Variants in NEK10 observed in about 807,000 individuals in gnomAD.
NEK10 encodes serine/threonine-protein kinase Nek10.
Under a neutral mutation model 159.8 loss-of-function variants are expected in NEK10, and 122 were observed. That is an observed-to-expected ratio of 0.76 (90% CI 0.66 to 0.89). The LOEUF (loss-of-function observed/expected upper bound fraction) is 0.89. Ranked by LOEUF, NEK10 falls within the 40% of genes least tolerant of loss-of-function variation. NEK10 has a pLI of 0.00. For synonymous variants in NEK10, 466 were observed against 457.1 expected, an observed-to-expected ratio of 1.02 and a Z score of -0.25; for missense variants, 1,342 against 1,323.1, an observed-to-expected ratio of 1.01 and a Z score of -0.22.
intron 10 of NEK10, among the ~76,000 whole-genome samples, chr3:27,308,512 A>T (rs2044420675): frequency 6.6e-6 from 1 of 152,222 alleles, no homozygotes; most frequent in South Asian, 2.1e-4. Context: ...TAAAATAATC[A>T]TGACATTTAT....
intron 30 of NEK10, among the ~76,000 whole-genome samples, chr3:27,154,629 A>C (rs1945224841): frequency 6.6e-6 from 1 of 152,252 alleles, no homozygotes; most frequent in African/African-American, 2.4e-5. Context: ...CCAGGGATAC[A>C]GGGATGGTTT....
At chr3:27,121,642 A>G (rs1039520082) in intron 32 of NEK10, among the ~76,000 whole-genome samples, 70 of 152,316 alleles carry the variant, frequency 4.6e-4, no homozygotes, top group African/African-American at 1.6e-3. Context: ...AGGCTTCCCC[A>G]GCCACGTGGA....
At chr3:27,282,035 CA>C (rs1398163873) in intron 22 of NEK10, among the ~76,000 whole-genome samples, 1 of 152,160 alleles carries the variant, frequency 6.6e-6, no homozygotes, top group East Asian at 1.9e-4. Context: ...AGGTAATCAA[CA>C]TCGAACAATA....
At chr3:27,143,406 T>C (rs41435244) in intron 30 of NEK10, 7,948 of 735,016 alleles carry the variant, frequency 0.011, 92 homozygotes, top group African/African-American at 0.036. Flanking sequence ...AGATCTGTGA[T>C]GACATTTTGA....
At chr3:27,189,259 C>T (rs767155059) in intron 26 of NEK10, among the ~76,000 whole-genome samples, 12 of 152,036 alleles carry the variant, frequency 7.9e-5, no homozygotes, top group Non-Finnish European at 1.5e-4. Context: ...CTTACGTTTA[C>T]TAGGCCACTA....
chr3:27,229,120 A>C (rs868212739), intron 23 of NEK10, among the ~76,000 whole-genome samples: 2 of 152,344 alleles, frequency 1.3e-5, no homozygotes, highest in Middle Eastern at 3.4e-3. Context: ...ACCTCAAGAG[A>C]ATGAGATAAG....
chr3:27,204,162 C>G (rs1390604632), intron 23 of NEK10, among the ~76,000 whole-genome samples: 2 of 151,910 alleles, frequency 1.3e-5, no homozygotes, highest in East Asian at 1.9e-4. Context: ...CCACCCATAT[C>G]CCCTCAAATC....
rs577068304 is a variant in NEK10 at position 27,284,953 on chromosome 3, A to G, written c.1798T>C (p.Leu600=). The G allele has an allele frequency of 1.3e-6, 2 of 1,594,920 alleles. No homozygotes were observed. The highest frequency in any genetic ancestry group is 3.6e-5 in the Admixed American group (2 of 55,606). ...YYKTFLENDR[L]YIVMELIEGA... Reference sequence around the variant, plus strand: ...TCTATCAGCTCCATAACTATGTACAACCTATCATCTATATAAATATCACAA... The same window carrying G: ...TCTATCAGCTCCATAACTATGTACAGCCTATCATCTATATAAATATCACAA... The change falls in exon 21 of 36, where the codon TTG becomes CTG. Residue 600 remains leucine (L), a synonymous_variant. Coordinates refer to ENST00000691995, the MANE Select transcript of NEK10 (RefSeq NM_001394966.1).
intron 26 of NEK10, among the ~76,000 whole-genome samples, chr3:27,175,086 C>T (rs1947376111): frequency 6.6e-6 from 1 of 152,140 alleles, no homozygotes; most frequent in Admixed American, 6.5e-5. Context: ...AGAAAAGGCC[C>T]ATATAACCCA....
intron 22 of NEK10, 31 bp from the exon 23 acceptor site, chr3:27,256,402 C>T (rs762862473): frequency 2.9e-6 from 4 of 1,390,348 alleles, no homozygotes; most frequent in Non-Finnish European, 3.9e-6. Context: ...CAATATGTTA[C>T]TATATTTTCC....
At chr3:27,268,440 G>A (rs1199241726) in intron 22 of NEK10, among the ~76,000 whole-genome samples, 2 of 152,118 alleles carry the variant, frequency 1.3e-5, no homozygotes, top group Non-Finnish European at 2.9e-5. Context: ...TAATGCAGCT[G>A]GTAATTAAGT....
intron 30 of NEK10, among the ~76,000 whole-genome samples, chr3:27,152,667 A>G (rs908714443): frequency 7.9e-5 from 12 of 152,186 alleles, no homozygotes; most frequent in Non-Finnish European, 1.6e-4. Flanking sequence ...CTCACATTTC[A>G]ATACTAACAT....
At chr3:27,158,166 G>C (rs1038451194) in intron 30 of NEK10, among the ~76,000 whole-genome samples, 6 of 152,082 alleles carry the variant, frequency 3.9e-5, no homozygotes, top group African/African-American at 1.4e-4. Flanking sequence ...TTGCAATGAA[G>C]GTGCTTACAA....
At chr3:27,125,340 A>G (rs1005724273) in intron 32 of NEK10, among the ~76,000 whole-genome samples, 25 of 152,204 alleles carry the variant, frequency 1.6e-4, no homozygotes, top group Non-Finnish European at 3.5e-4. Context: ...GAACAATTAC[A>G]CACAATATTT....
intron 22 of NEK10, among the ~76,000 whole-genome samples, chr3:27,259,210 C>T (rs1363815094): frequency 1.3e-5 from 2 of 152,158 alleles, no homozygotes; most frequent in African/African-American, 4.8e-5. Context: ...TGTGCAGAAG[C>T]TCTTTAGCTT....
chr3:27,239,456 A>T (rs189803307), intron 23 of NEK10, among the ~76,000 whole-genome samples: 2 of 152,260 alleles, frequency 1.3e-5, no homozygotes, highest in African/African-American at 4.8e-5. Context: ...AGACTCGAAA[A>T]TCTCTGTGGA....
At chr3:27,156,869 A>C (rs1415886578) in intron 30 of NEK10, among the ~76,000 whole-genome samples, 1 of 144,990 alleles carries the variant, frequency 6.9e-6, no homozygotes, top group African/African-American at 2.5e-5. Flanking sequence ...CACAATTCAC[A>C]ATTGCATAAT....
intron 23 of NEK10, among the ~76,000 whole-genome samples, chr3:27,223,188 C>T (rs1469607264): frequency 6.6e-6 from 1 of 152,180 alleles, no homozygotes; most frequent in African/African-American, 2.4e-5. Flanking sequence ...GCATTCTGAG[C>T]CCTTGCTTGC....
At chr3:27,303,679 G>A (rs34946790) in intron 12 of NEK10, among the ~76,000 whole-genome samples, 22,200 of 152,176 alleles carry the variant, frequency 0.15, 1,790 homozygotes, top group Non-Finnish European at 0.19. Flanking sequence ...CAAAGCTACT[G>A]TTCATGTCTG....
Sources: allele counts gnomAD v4.1 joint callset (sites outside exome capture counted in the v4.1 genomes callset), GRCh38; gene constraint gnomAD v4.1.1; transcripts MANE v1.5; gene names NCBI Gene and HGNC (gene_info 2026-07-23, HGNC 2026-07-21).